The following PKD2L2 variants were observed in gnomAD, a reference collection of about 807,000 sequenced individuals.
The protein encoded by PKD2L2 is polycystin 2 like 2, transient receptor potential cation channel.
In PKD2L2, 67 loss-of-function variants were observed where a neutral mutation model predicts 83.9. The ratio of observed to expected loss-of-function variants is 0.80; its 90% confidence interval spans 0.66 to 0.98. The LOEUF is 0.98. PKD2L2 is among the 50% of genes least tolerant of loss of function. The pLI, the probability that PKD2L2 is intolerant of heterozygous loss-of-function variation, is 0.00. For synonymous variants in PKD2L2, 223 were observed against 237.8 expected, an observed-to-expected ratio of 0.94 and a Z score of 0.57; for missense variants, 632 against 717.2, an observed-to-expected ratio of 0.88 and a Z score of 1.36.
At position 137,889,468 on chromosome 5, in the gene PKD2L2, C is replaced by A. The variant is rs868638669; in HGVS notation, c.-24C>A. The A allele has an allele frequency of 6.3e-7, 1 of 1,585,300 alleles. No individual in the cohort carries two copies. Among genetic ancestry groups the A allele is most frequent in the African/African-American group, 1.4e-5 (1 of 71,282 alleles). On this transcript the variant is annotated 5_prime_UTR_variant, in exon 1 of 15. Transcript: ENST00000508883. The stretch of plus-strand genomic sequence containing the variant: ...AGCGCCGCGGCCTCAGGCGAACGAA[C>A]GGGCGGTGTAGTGCAGGTCCGCCAT...
At chr5:137,925,387 G>A (rs1465985677) in intron 11 of PKD2L2, among the ~76,000 whole-genome samples, 2 of 152,116 alleles carry the variant, frequency 1.3e-5, no homozygotes, top group Non-Finnish European at 2.9e-5. Flanking sequence ...ACCCAGGAGT[G>A]CCTCCTAATT....
At chr5:137,932,564 C>T (rs1759964432) in intron 12 of PKD2L2, among the ~76,000 whole-genome samples, 1 of 152,130 alleles carries the variant, frequency 6.6e-6, no homozygotes, top group Admixed American at 6.5e-5. Context: ...GAGGTTACCA[C>T]TCCTAGGGCT....
chr5:137,911,927 C>T (rs1218555150), intron 8 of PKD2L2, among the ~76,000 whole-genome samples: 1 of 152,182 alleles, frequency 6.6e-6, no homozygotes, highest in African/African-American at 2.4e-5. Context: ...CTGTGCCTTG[C>T]TTATTTCACT....
At chr5:137,941,843 ATAT>A in intron 14 of PKD2L2, 1 of 971,236 alleles carries the variant, frequency 1.0e-6, no homozygotes, top group Non-Finnish European at 1.6e-6. Flanking sequence ...CTAGCATCCT[ATAT>A]GCACAATTTC....
intron 5 of PKD2L2, among the ~76,000 whole-genome samples, chr5:137,902,852 G>C (rs990243841): frequency 1.3e-5 from 2 of 152,158 alleles, no homozygotes; most frequent in Admixed American, 6.5e-5. Context: ...GGTGTCTGCT[G>C]TATCTCTGAA....
intron 10 of PKD2L2, among the ~76,000 whole-genome samples, chr5:137,924,561 A>G (rs1759212160): frequency 6.6e-6 from 1 of 152,130 alleles, no homozygotes; most frequent in East Asian, 1.9e-4. Context: ...TGCATGCCCC[A>G]TGTTTCTAAA....
rs757380017 is a variant in PKD2L2 at position 137,921,597 on chromosome 5, A to T, written c.1329-39A>T. The T allele has an allele frequency of 3.0e-6, 4 of 1,318,644 alleles. No individual in the cohort carries two copies. The African/African-American group carries it at 5.8e-5, about 19-fold the overall frequency. The allele number at this position is 1,318,644 out of a possible 1,614,324, so 81.7% of individuals were successfully genotyped here. On this transcript the variant is annotated intron_variant, in intron 8 of 14. Coordinates refer to ENST00000508883, the MANE Select transcript of PKD2L2 (RefSeq NM_001300921.2). Reference sequence around the variant, plus strand: ...CTCCCATCAGTTGTCATGTATGTACATAAAGGTATATATTTTCTACTGTTT... The same window carrying T: ...CTCCCATCAGTTGTCATGTATGTACTTAAAGGTATATATTTTCTACTGTTT...
intron 8 of PKD2L2, among the ~76,000 whole-genome samples, chr5:137,914,191 A>C (rs1758120572): frequency 1.3e-5 from 2 of 151,778 alleles, no homozygotes; most frequent in Non-Finnish European, 2.9e-5. Context: ...ACCCAGCCTG[A>C]AATTGCTTTC....
At chr5:137,903,629 C>T (rs939875141) in intron 5 of PKD2L2, among the ~76,000 whole-genome samples, 3 of 152,184 alleles carry the variant, frequency 2.0e-5, no homozygotes, top group East Asian at 1.9e-4. Flanking sequence ...AATGAGACTA[C>T]ATATTCTTAA....
chr5:137,910,889 A>T (rs898520813), intron 8 of PKD2L2, among the ~76,000 whole-genome samples: 1 of 152,152 alleles, frequency 6.6e-6, no homozygotes, highest in African/African-American at 2.4e-5. Flanking sequence ...CAACCCAGAG[A>T]AGTAAGCCCA....
chr5:137,901,912 G>A (rs916130535), intron 5 of PKD2L2, among the ~76,000 whole-genome samples: 4 of 151,922 alleles, frequency 2.6e-5, no homozygotes, highest in Non-Finnish European at 5.9e-5. Flanking sequence ...ACAAATACCC[G>A]CTGGAGAAAA....
At chr5:137,926,056 A>C in intron 12 of PKD2L2, 127 bp downstream of exon 12, 1 of 566,980 alleles carries the variant, frequency 1.8e-6, no homozygotes, top group Non-Finnish European at 3.2e-6. Context: ...TCTCCAAATA[A>C]ATCTCCCAGA....
chr5:137,905,366 C>A (rs1265273614), intron 5 of PKD2L2, among the ~76,000 whole-genome samples: 1 of 152,144 alleles, frequency 6.6e-6, no homozygotes, highest in Non-Finnish European at 1.5e-5. Flanking sequence ...GTCTACACTT[C>A]AGATCATAAT....
chr5:137,920,623 G>T (rs1758805834), intron 8 of PKD2L2, among the ~76,000 whole-genome samples: 1 of 152,202 alleles, frequency 6.6e-6, no homozygotes, highest in Admixed American at 6.5e-5. Context: ...TGGGCGTGGT[G>T]GCACACGCCT....
At chr5:137,927,705 G>GA (rs1355690159) in intron 12 of PKD2L2, among the ~76,000 whole-genome samples, 1 of 152,110 alleles carries the variant, frequency 6.6e-6, no homozygotes, top group Non-Finnish European at 1.5e-5. Context: ...ACTTCAGGAG[G>GA]AAAAAATATT....
intron 8 of PKD2L2, among the ~76,000 whole-genome samples, chr5:137,911,228 T>C (rs1757809226): frequency 6.6e-6 from 1 of 152,238 alleles, no homozygotes; most frequent in African/African-American, 2.4e-5. Flanking sequence ...TTATTTGTCT[T>C]TTTGTGACTG....
chr5:137,911,378 C>G (rs1757822492), intron 8 of PKD2L2, among the ~76,000 whole-genome samples: 1 of 152,170 alleles, frequency 6.6e-6, no homozygotes, highest in South Asian at 2.1e-4. Context: ...TCTGCCAATA[C>G]ACACTTGGGT....
intron 6 of PKD2L2, among the ~76,000 whole-genome samples, chr5:137,907,230 T>G (rs1300391255): frequency 6.6e-6 from 1 of 152,242 alleles, no homozygotes; most frequent in Non-Finnish European, 1.5e-5. Flanking sequence ...CATTAAATGT[T>G]TATTTGAGCA....
At chr5:137,940,031 A>T in intron 14 of PKD2L2, 1 of 1,612,670 alleles carries the variant, frequency 6.2e-7, no homozygotes, top group East Asian at 2.2e-5. Context: ...TTAATATGGA[A>T]CATCACTTAC....
Sources: allele counts gnomAD v4.1 joint callset (sites outside exome capture counted in the v4.1 genomes callset), GRCh38; gene constraint gnomAD v4.1.1; transcripts MANE v1.5; gene names NCBI Gene and HGNC (gene_info 2026-07-23, HGNC 2026-07-21).